Variants in GPC6 observed in about 807,000 individuals in gnomAD.
GPC6 encodes the protein glypican 6.
In GPC6, 14 loss-of-function variants were observed where a neutral mutation model predicts 55.2. The observed-to-expected ratio is 0.25, with a 90% CI of 0.17 to 0.40. The LOEUF is 0.40. Ranked by LOEUF, GPC6 falls within the 10% of genes least tolerant of loss-of-function variation. The probability of loss-of-function intolerance (pLI) is 1.00; values close to 1 mark genes in which losing one functional copy is unlikely to be tolerated. For missense variants in GPC6, 641 were observed against 708.5 expected (o/e 0.90, Z 1.08); for synonymous variants, 278 against 259.6 (o/e 1.07, Z -0.68).
chr13:93,655,516 C>T (rs1395547770), intron 2 of GPC6, among the ~76,000 whole-genome samples: 1 of 151,920 alleles, frequency 6.6e-6, no homozygotes, highest in Non-Finnish European at 1.5e-5. Context: ...AATGATGGAT[C>T]CCAGTTACAA....
intron 3 of GPC6, among the ~76,000 whole-genome samples, chr13:93,873,331 G>T (rs556713604): frequency 6.6e-6 from 1 of 151,996 alleles, no homozygotes; most frequent in East Asian, 1.9e-4. Context: ...TTAATTTTTG[G>T]TGGGAGGAGT....
At chr13:93,311,525 A>G (rs184225642) in intron 1 of GPC6, among the ~76,000 whole-genome samples, 83 of 152,214 alleles carry the variant, frequency 5.5e-4, no homozygotes, top group African/African-American at 1.8e-3. Flanking sequence ...CGGTAATCCC[A>G]TAATAGTGTT....
chr13:94,171,748 A>G (rs1241897391), intron 4 of GPC6, among the ~76,000 whole-genome samples: 1 of 152,186 alleles, frequency 6.6e-6, no homozygotes, highest in East Asian at 1.9e-4. Flanking sequence ...AACACTTTTC[A>G]TGGCATGTAG....
intron 3 of GPC6, among the ~76,000 whole-genome samples, chr13:93,874,843 A>G (rs1889241024): frequency 6.6e-6 from 1 of 151,836 alleles, no homozygotes; most frequent in Non-Finnish European, 1.5e-5. Flanking sequence ...TCCTAGTTAC[A>G]TCTCCTCTAC....
intron 1 of GPC6, among the ~76,000 whole-genome samples, chr13:93,541,259 A>G (rs1230815339): frequency 1.4e-5 from 2 of 145,866 alleles, no homozygotes; most frequent in Non-Finnish European, 3.0e-5. Flanking sequence ...CCCACCTATG[A>G]GTGAGAATAT....
intron 6 of GPC6, among the ~76,000 whole-genome samples, chr13:94,325,727 C>G (rs765570507): frequency 1.3e-5 from 2 of 152,186 alleles, no homozygotes; most frequent in Admixed American, 1.3e-4. Context: ...ATTGCATTTT[C>G]TTGGATTGAG....
At chr13:94,394,663 T>C (rs1880817971) in intron 7 of GPC6, among the ~76,000 whole-genome samples, 1 of 152,214 alleles carries the variant, frequency 6.6e-6, no homozygotes, top group Non-Finnish European at 1.5e-5. Context: ...AGATTTAGAT[T>C]CAGGACTTAC....
chr13:93,385,215 G>T (rs1034301443), intron 1 of GPC6, among the ~76,000 whole-genome samples: 14 of 152,200 alleles, frequency 9.2e-5, no homozygotes, highest in African/African-American at 3.4e-4. Flanking sequence ...TCCGAGGTGG[G>T]CATGATCCAG....
intron 2 of GPC6, among the ~76,000 whole-genome samples, chr13:93,784,224 C>T (rs1380478038): frequency 6.6e-6 from 1 of 152,136 alleles, no homozygotes; most frequent in Non-Finnish European, 1.5e-5. Flanking sequence ...CCAAGACAGA[C>T]AGGTTGTCTG....
chr13:93,292,031 A>G (rs1660352454), intron 1 of GPC6, among the ~76,000 whole-genome samples: 1 of 152,194 alleles, frequency 6.6e-6, no homozygotes, highest in South Asian at 2.1e-4. Context: ...TCTCAGTTTT[A>G]CCAGTTTGGT....
chr13:94,062,221 C>T (rs1566353712), intron 4 of GPC6, among the ~76,000 whole-genome samples: 1 of 151,800 alleles, frequency 6.6e-6, no homozygotes, highest in Non-Finnish European at 1.5e-5. Flanking sequence ...AGATCTTACC[C>T]TCTACATTTC....
At chr13:93,704,735 G>C (rs1933775) in intron 2 of GPC6, among the ~76,000 whole-genome samples, 46,750 of 151,818 alleles carry the variant, frequency 0.31, 7,542 homozygotes, top group East Asian at 0.46. Context: ...GGAAGCACTG[G>C]GTTTTTGCAA....
intron 3 of GPC6, among the ~76,000 whole-genome samples, chr13:93,999,884 G>C (rs1881722651): frequency 6.6e-6 from 1 of 152,056 alleles, no homozygotes; most frequent in African/African-American, 2.4e-5. Flanking sequence ...TACATTATTG[G>C]CATATATTGA....
intron 4 of GPC6, among the ~76,000 whole-genome samples, chr13:94,139,674 T>C (rs1356801422): frequency 2.0e-5 from 3 of 152,198 alleles, no homozygotes; most frequent in Non-Finnish European, 4.4e-5. Context: ...TCAGTGCTAT[T>C]TCCTGTATTC....
chr13:94,020,647 T>C (rs1400757355), intron 3 of GPC6, among the ~76,000 whole-genome samples: 2 of 152,196 alleles, frequency 1.3e-5, no homozygotes, highest in African/African-American at 4.8e-5. Context: ...CCCTGTCTAC[T>C]CTGGCTTCTC....
intron 1 of GPC6, among the ~76,000 whole-genome samples, chr13:93,283,817 G>A (rs1878027915): frequency 6.6e-6 from 1 of 152,158 alleles, no homozygotes; most frequent in African/African-American, 2.4e-5. Flanking sequence ...TTCACATCCT[G>A]ATATTTCTCT....
At chr13:94,075,806 C>T (rs963443302) in intron 4 of GPC6, among the ~76,000 whole-genome samples, 2 of 152,124 alleles carry the variant, frequency 1.3e-5, no homozygotes, top group African/African-American at 4.8e-5. Context: ...TTCCTACTTT[C>T]TAATGCTGAA....
intron 1 of GPC6, among the ~76,000 whole-genome samples, chr13:93,370,326 C>T (rs1190048517): frequency 1.3e-5 from 2 of 152,088 alleles, no homozygotes; most frequent in African/African-American, 4.8e-5. Context: ...ATATGACAAA[C>T]ATAAACACCC....
intron 4 of GPC6, among the ~76,000 whole-genome samples, chr13:94,218,959 A>T (rs1277969164): frequency 6.6e-6 from 1 of 152,228 alleles, no homozygotes; most frequent in African/African-American, 2.4e-5. Flanking sequence ...TATTTAAAAA[A>T]TTCCTGATTT....
Sources: allele counts gnomAD v4.1 joint callset (sites outside exome capture counted in the v4.1 genomes callset), GRCh38; gene constraint gnomAD v4.1.1; transcripts MANE v1.5; gene names NCBI Gene and HGNC (gene_info 2026-07-23, HGNC 2026-07-21).